Variants in ACTR3C observed in about 807,000 individuals in gnomAD.
ACTR3C encodes the protein actin-related protein 3C.
ACTR3C carries 18 observed loss-of-function variants against 26.3 expected under a neutral mutation model. That is an observed-to-expected ratio of 0.68 (90% CI 0.47 to 1.01). The LOEUF is 1.01. Ranked by LOEUF, ACTR3C falls within the 50% of genes least tolerant of loss-of-function variation. ACTR3C has a pLI of 0.00. For missense variants in ACTR3C, 184 were observed against 250.7 expected, an observed-to-expected ratio of 0.73 and a Z score of 1.80; for synonymous variants, 55 against 94.5, an observed-to-expected ratio of 0.58 and a Z score of 2.42.
chr7:149,940,268 G>T, the ACTR3C span, among the ~76,000 whole-genome samples: 70 of 151,938 alleles, frequency 4.6e-4, no homozygotes, highest in South Asian at 0.014. Flanking sequence ...AAACAAGGAA[G>T]CAATTAAGCA....
the ACTR3C span, among the ~76,000 whole-genome samples, chr7:149,913,885 CCT>C: frequency 1.7e-3 from 130 of 74,566 alleles, 9 homozygotes; most frequent in East Asian, 5.3e-3. Context: ...CTCATATGTC[CCT>C]TTTTTTTTTT....
At chr7:150,035,047 T>A in the ACTR3C span, among the ~76,000 whole-genome samples, 1 of 115,132 alleles carries the variant, frequency 8.7e-6, no homozygotes, top group Non-Finnish European at 1.8e-5. Context: ...CTCTCAGTAA[T>A]CCCACGTAAG....
At chr7:150,259,693 T>C (rs1028044900) in intron 6 of ACTR3C, among the ~76,000 whole-genome samples, 2 of 152,186 alleles carry the variant, frequency 1.3e-5, no homozygotes, top group Non-Finnish European at 2.9e-5. Flanking sequence ...TAATATTTTT[T>C]ATCCTAGATG....
chr7:150,116,227 C>T, the ACTR3C span, among the ~76,000 whole-genome samples: 14 of 152,322 alleles, frequency 9.2e-5, no homozygotes, highest in African/African-American at 3.4e-4. Flanking sequence ...GAACAGGAGT[C>T]TGTATTTGCA....
chr7:149,995,804 C>T, the ACTR3C span, among the ~76,000 whole-genome samples: 107 of 152,016 alleles, frequency 7.0e-4, no homozygotes, highest in African/African-American at 2.5e-3. Context: ...TGAGGGGCAC[C>T]GTTGGCAGGA....
the ACTR3C span, among the ~76,000 whole-genome samples, chr7:150,070,652 T>C: frequency 6.6e-6 from 1 of 151,276 alleles, no homozygotes; most frequent in East Asian, 1.9e-4. Flanking sequence ...GGTTTTGCCA[T>C]GTTGCCCAGG....
the ACTR3C span, among the ~76,000 whole-genome samples, chr7:150,153,931 G>T: frequency 6.7e-6 from 1 of 149,080 alleles, no homozygotes; most frequent in Non-Finnish European, 1.5e-5. Context: ...TAGGGACATG[G>T]ATGAAATTGG....
At chr7:150,182,624 G>C in the ACTR3C span, among the ~76,000 whole-genome samples, 3 of 150,540 alleles carry the variant, frequency 2.0e-5, no homozygotes, top group African/African-American at 7.5e-5. Context: ...AATTACAGAT[G>C]GCGATTTTTA....
chr7:149,975,691 C>T, the ACTR3C span, among the ~76,000 whole-genome samples: 1 of 152,196 alleles, frequency 6.6e-6, no homozygotes, highest in South Asian at 2.1e-4. Context: ...CTCACAGTTC[C>T]ACATGGCTGG....
the ACTR3C span, among the ~76,000 whole-genome samples, chr7:150,115,331 A>G: frequency 2.0e-5 from 3 of 152,216 alleles, no homozygotes; most frequent in African/African-American, 7.2e-5. Flanking sequence ...GGCTGGTCAC[A>G]TGATCAGCTG....
the ACTR3C span, among the ~76,000 whole-genome samples, chr7:150,037,062 C>T: frequency 1.9e-5 from 2 of 102,564 alleles, no homozygotes; most frequent in Admixed American, 9.1e-5. Flanking sequence ...TCCCCACCCT[C>T]GCGGGGGGTG....
the ACTR3C span, among the ~76,000 whole-genome samples, chr7:149,961,962 G>GTGTTCGCTCACAGGAAT: frequency 2.7e-5 from 4 of 147,244 alleles, no homozygotes; most frequent in African/African-American, 1.1e-4. Flanking sequence ...CTCACAGGAA[G>GTGTTCGCTCACAGGAAT]TGTTCACTCA....
chr7:150,209,763 A>ACACACACACAC, the ACTR3C span, among the ~76,000 whole-genome samples: 2 of 148,900 alleles, frequency 1.3e-5, no homozygotes, highest in East Asian at 2.0e-4. Flanking sequence ...ACACACACAC[A>ACACACACACAC]AAATTAGCTG....
the ACTR3C span, among the ~76,000 whole-genome samples, chr7:150,141,085 T>C: frequency 6.6e-6 from 1 of 152,010 alleles, no homozygotes; most frequent in East Asian, 1.9e-4. Flanking sequence ...CTGAGAAAAA[T>C]GAGGAAGCTG....
the ACTR3C span, among the ~76,000 whole-genome samples, chr7:150,151,065 CTAAT>C: frequency 2.0e-4 from 21 of 104,398 alleles, 1 homozygote; most frequent in African/African-American, 6.4e-4. Flanking sequence ...TATTTTCCTT[CTAAT>C]TATTTTTTGG....
chr7:150,063,874 C>G, the ACTR3C span, among the ~76,000 whole-genome samples: 46 of 152,248 alleles, frequency 3.0e-4, no homozygotes, highest in South Asian at 9.4e-3. Context: ...AGAGTTGGCA[C>G]GCTATGTCCC....
At chr7:150,189,392 C>A in the ACTR3C span, among the ~76,000 whole-genome samples, 1 of 152,166 alleles carries the variant, frequency 6.6e-6, no homozygotes, top group African/African-American at 2.4e-5. Context: ...CCCCAAATAT[C>A]TTGTGTGTGC....
intron 6 of ACTR3C, among the ~76,000 whole-genome samples, chr7:150,272,195 T>C (rs1834500520): frequency 7.0e-6 from 1 of 142,822 alleles, no homozygotes; most frequent in Non-Finnish European, 1.5e-5. Context: ...ATGACATGGT[T>C]GAGAGTCTGC....
At chr7:150,085,753 T>C in the ACTR3C span, among the ~76,000 whole-genome samples, 2 of 151,972 alleles carry the variant, frequency 1.3e-5, no homozygotes, top group Non-Finnish European at 2.9e-5. Flanking sequence ...GCAGGTGCCG[T>C]GAGATTAAGA....
Sources: gnomAD v4.1 joint callset for allele counts (sites outside exome capture counted in the v4.1 genomes callset) on GRCh38, gnomAD v4.1.1 for gene constraint, MANE v1.5 for transcripts, NCBI Gene and HGNC (gene_info 2026-07-23, HGNC 2026-07-21) for gene names.